PTPRJ: variants seen among roughly 807,000 people sequenced by gnomAD.
PTPRJ encodes the protein receptor-type tyrosine-protein phosphatase eta.
Under a neutral mutation model 141.3 loss-of-function variants are expected in PTPRJ, and 129 were observed. The observed-to-expected ratio is 0.91, with a 90% CI of 0.79 to 1.06. The LOEUF (loss-of-function observed/expected upper bound fraction) is 1.06, where lower values mean the gene tolerates loss of function less well. Among genes scored for constraint, PTPRJ ranks in the 50% least tolerant of loss-of-function variants. The pLI, the probability that PTPRJ is intolerant of heterozygous loss-of-function variation, is 0.00. For synonymous variants in PTPRJ, 610 were observed against 640.5 expected, an observed-to-expected ratio of 0.95 and a Z score of 0.72; for missense variants, 1,601 against 1,679.7, an observed-to-expected ratio of 0.95 and a Z score of 0.82.
Position 48,123,730 on chromosome 11 carries a change from G to A in PTPRJ, c.734G>A (p.Ser245Asn), listed in dbSNP as rs753741250. 1.9e-5 allele frequency: 31 copies of A among 1,614,042 alleles called. No homozygotes were observed. Among genetic ancestry groups the A allele is most frequent in the Non-Finnish European group, 2.5e-5 (30 of 1,180,028 alleles). The change falls in exon 5 of 25, where the codon AGC (serine) becomes AAC (asparagine). Residue 245 changes from serine (S) to asparagine (N), a missense_variant. By Grantham distance (46) the Ser-to-Asn change is conservative. Transcript: ENST00000418331. ...CGGGTTCTTCTTGAAAGCATTGGAA[G>A]CCATGAGGAGTTGACTCAAGACTCA... is the stretch of plus-strand genomic sequence containing the variant. Reference protein sequence around the residue: ...SCRVLLESIGSHEELTQDSRL... With the variant: ...SCRVLLESIGNHEELTQDSRL...
chr11:48,009,582 C>T (rs761764369), intron 1 of PTPRJ, among the ~76,000 whole-genome samples: 34 of 152,016 alleles, frequency 2.2e-4, no homozygotes, highest in Non-Finnish European at 4.3e-4. Flanking sequence ...GGCAATAGAG[C>T]GAGACTCTGT....
At chr11:48,015,631 C>T (rs1854929174) in intron 1 of PTPRJ, among the ~76,000 whole-genome samples, 1 of 151,856 alleles carries the variant, frequency 6.6e-6, no homozygotes, top group African/African-American at 2.4e-5. Flanking sequence ...AATCCCAGCA[C>T]TTTGGGAGGC....
At chr11:48,089,039 G>A (rs896737245) in intron 1 of PTPRJ, among the ~76,000 whole-genome samples, 1 of 53,368 alleles carries the variant, frequency 1.9e-5, no homozygotes, top group African/African-American at 4.2e-5. Context: ...TCCCCGGTTA[G>A]CGTGCTGTGC....
At chr11:48,137,958 T>C (rs753021958) in intron 10 of PTPRJ, among the ~76,000 whole-genome samples, 2 of 152,188 alleles carry the variant, frequency 1.3e-5, no homozygotes, top group Non-Finnish European at 2.9e-5. Flanking sequence ...TGAGGATGCT[T>C]TCAGGGCAGC....
chr11:48,076,993 G>A (rs1377558272), intron 1 of PTPRJ, among the ~76,000 whole-genome samples: 1 of 151,946 alleles, frequency 6.6e-6, no homozygotes, highest in African/African-American at 2.4e-5. Flanking sequence ...TCAGCCTCCC[G>A]AGTAGCTGGG....
intron 1 of PTPRJ, among the ~76,000 whole-genome samples, chr11:48,007,749 G>A (rs1010212436): frequency 2.0e-5 from 3 of 152,256 alleles, no homozygotes; most frequent in African/African-American, 7.2e-5. Flanking sequence ...GCAGCAGCAA[G>A]CTGGTAGGAG....
At chr11:48,019,345 G>C (rs941001031) in intron 1 of PTPRJ, among the ~76,000 whole-genome samples, 7 of 151,982 alleles carry the variant, frequency 4.6e-5, no homozygotes, top group Non-Finnish European at 1.0e-4. Context: ...GACTTCACTA[G>C]AATCTGCCCC....
At chr11:48,024,316 G>T (rs939428680) in intron 1 of PTPRJ, among the ~76,000 whole-genome samples, 8 of 152,052 alleles carry the variant, frequency 5.3e-5, no homozygotes, top group Admixed American at 5.2e-4. Context: ...TCCTGTCTCA[G>T]CCTCCCGAGT....
chr11:48,167,292 C>T lies in PTPRJ; in HGVS notation c.3944C>T (p.Thr1315Ile), dbSNP rs188934138. Residue 1315 changes from threonine (T) to isoleucine (I), a missense_variant, in exon 25 of 25, where the codon ACT becomes ATT. Physicochemically the swap from Thr to Ile is moderately conservative, Grantham distance 89 (BLOSUM62 -1). Coordinates refer to ENST00000418331, the MANE Select transcript of PTPRJ (RefSeq NM_002843.4). ...SKVDLIYQNTTAMTIYENLAP... is the reference protein window; with the variant it reads ...SKVDLIYQNTIAMTIYENLAP... ...GTAGATCTTATCTACCAGAACACAA[C>T]TGCAATGACAATCTATGAAAACCTT... 6.2e-7 allele frequency: 1 copy of T among 1,613,784 alleles called. No homozygotes were observed. Among genetic ancestry groups the T allele is most frequent in the East Asian group, 2.2e-5 (1 of 44,886 alleles).
chr11:48,065,537 T>G (rs76583296), intron 1 of PTPRJ, among the ~76,000 whole-genome samples: 1,548 of 152,350 alleles, frequency 0.01, 11 homozygotes, highest in Non-Finnish European at 0.017. Context: ...GTATATCCTC[T>G]GTTAGATTAA....
At chr11:48,057,808 A>G (rs1854800855) in intron 1 of PTPRJ, among the ~76,000 whole-genome samples, 1 of 152,192 alleles carries the variant, frequency 6.6e-6, no homozygotes, top group Non-Finnish European at 1.5e-5. Flanking sequence ...CCACAAAACA[A>G]GAAACTACTT....
In PTPRJ at chr11:48,110,135, A is replaced by G. The variant is rs1856403027; in HGVS notation, c.115+59A>G. The G allele has an allele frequency of 2.0e-6, 3 of 1,520,832 alleles. No individual in the cohort carries two copies. The Admixed American group carries it at 5.3e-5, about 27-fold the overall frequency. The allele number at this position is 1,520,832 out of a possible 1,614,324, so 94.2% of individuals were successfully genotyped here. A position where few individuals can be genotyped will look rare whatever the true frequency, so the allele number is the denominator to read the frequency against. On this transcript the variant is annotated intron_variant, in intron 2 of 24. Transcript: ENST00000418331. ...TTCGCTACTGCCCCCTAATGGACAC[A>G]CAGCAACATTAACAGCAATGTGAAA...
intron 1 of PTPRJ, among the ~76,000 whole-genome samples, chr11:48,079,022 G>A (rs73466826): frequency 6.6e-6 from 1 of 152,134 alleles, no homozygotes; most frequent in African/African-American, 2.4e-5. Flanking sequence ...GACTGGAAAT[G>A]CAAAGACGGG....
chr11:48,075,303 C>A (rs12099007), intron 1 of PTPRJ, among the ~76,000 whole-genome samples: 3,076 of 152,106 alleles, frequency 0.02, 112 homozygotes, highest in African/African-American at 0.07. Context: ...GCTACCACGC[C>A]CAGCTAATTT....
At chr11:48,117,193 A>G (rs1334173825) in intron 3 of PTPRJ, among the ~76,000 whole-genome samples, 2 of 152,218 alleles carry the variant, frequency 1.3e-5, no homozygotes, top group Admixed American at 1.3e-4. Flanking sequence ...AGCCTATGGG[A>G]TACACCAAAA....
rs980435369 is a variant in PTPRJ at position 47,980,688 on chromosome 11, C to T, written c.-225C>T. 7.6e-5 allele frequency: 75 copies of T among 989,856 alleles called. No homozygotes were observed. In the African/African-American group the frequency reaches 1.1e-3, roughly 14 times the overall value. The allele number at this position is 989,856 out of a possible 1,614,324, so 61.3% of individuals were successfully genotyped here. On this transcript the variant is annotated 5_prime_UTR_variant, in exon 1 of 25. Transcript: ENST00000418331. ...AGCCCCTGCGCGCTCAGGGACGCGG[C>T]CCCCCCGCGGCAGCCGCGCTAGGCT...
intron 15 of PTPRJ, 25 bp downstream of exon 15, chr11:48,146,988 A>T: frequency 6.3e-7 from 1 of 1,582,236 alleles, no homozygotes. Flanking sequence ...GCTAATAATA[A>T]TACTCTGGTA....
intron 15 of PTPRJ, among the ~76,000 whole-genome samples, chr11:48,148,236 A>G (rs1444614639): frequency 1.3e-5 from 2 of 152,222 alleles, no homozygotes; most frequent in Non-Finnish European, 2.9e-5. Flanking sequence ...AGAGTAATAC[A>G]TGCTTATGGC....
chr11:48,084,707 G>T (rs141200900), intron 1 of PTPRJ, among the ~76,000 whole-genome samples: 1 of 152,216 alleles, frequency 6.6e-6, no homozygotes, highest in African/African-American at 2.4e-5. Context: ...AAAGGGTGTG[G>T]GGTTTTGTGA....
Sources: allele counts gnomAD v4.1 joint callset (sites outside exome capture counted in the v4.1 genomes callset), GRCh38; gene constraint gnomAD v4.1.1; transcripts MANE v1.5; gene names NCBI Gene and HGNC (gene_info 2026-07-23, HGNC 2026-07-21).